RALYL: variants seen among roughly 807,000 people sequenced by gnomAD.
The protein encoded by RALYL is RNA-binding Raly-like protein.
Under a neutral mutation model 35.1 loss-of-function variants are expected in RALYL, and 29 were observed. The ratio of observed to expected loss-of-function variants is 0.83; its 90% CI spans 0.61 to 1.13. The LOEUF is 1.13. Ranked by LOEUF, RALYL falls within the 50% of genes most tolerant of loss-of-function variation. RALYL has a pLI of 0.00. For missense variants in RALYL, 359 were observed against 360.4 expected (o/e 1.00, Z 0.03); for synonymous variants, 120 against 127.6 (o/e 0.94, Z 0.40).
chr8:84,591,883 G>A (rs557050279), intron 2 of RALYL, among the ~76,000 whole-genome samples: 3 of 152,108 alleles, frequency 2.0e-5, no homozygotes, highest in Admixed American at 6.6e-5. Flanking sequence ...TCTAGAATTG[G>A]CAGTGGCTAT....
At chr8:84,208,143 ATAAG>A (rs1351421600) in intron 1 of RALYL, among the ~76,000 whole-genome samples, 1 of 152,158 alleles carries the variant, frequency 6.6e-6, no homozygotes, top group Non-Finnish European at 1.5e-5. Context: ...ATGATACTCT[ATAAG>A]TAACACAAGA....
chr8:84,389,654 T>C (rs1162843041), intron 1 of RALYL, among the ~76,000 whole-genome samples: 3 of 151,094 alleles, frequency 2.0e-5, no homozygotes, highest in African/African-American at 7.4e-5. Context: ...TGTGTGTTAC[T>C]GGTGTATAAG....
At chr8:84,188,683 C>T (rs1310956379) in intron 1 of RALYL, among the ~76,000 whole-genome samples, 2 of 152,122 alleles carry the variant, frequency 1.3e-5, no homozygotes, top group Non-Finnish European at 2.9e-5. Context: ...AACAAGTTTA[C>T]ATAATTATAC....
chr8:84,355,750 T>C (rs1851704629), intron 1 of RALYL, among the ~76,000 whole-genome samples: 1 of 149,994 alleles, frequency 6.7e-6, no homozygotes, highest in African/African-American at 2.5e-5. Context: ...ATTTCTTCAT[T>C]TATGTGCAGT....
chr8:84,561,612 G>T (rs149603381), intron 2 of RALYL, among the ~76,000 whole-genome samples: 86 of 152,036 alleles, frequency 5.7e-4, no homozygotes, highest in African/African-American at 2.0e-3. Context: ...CAATATGCCA[G>T]CATCACTACT....
intron 1 of RALYL, among the ~76,000 whole-genome samples, chr8:84,441,106 A>C (rs1019171503): frequency 1.3e-5 from 2 of 152,092 alleles, no homozygotes; most frequent in Non-Finnish European, 2.9e-5. Context: ...TTTTTTTAAT[A>C]ATAAATGATA....
At chr8:84,404,663 G>A (rs2043276483) in intron 1 of RALYL, among the ~76,000 whole-genome samples, 1 of 152,116 alleles carries the variant, frequency 6.6e-6, no homozygotes, top group African/African-American at 2.4e-5. Context: ...CCAGGCTTTG[G>A]TATCAGGATG....
At chr8:84,695,852 C>T (rs1032459227) in intron 2 of RALYL, among the ~76,000 whole-genome samples, 2 of 151,850 alleles carry the variant, frequency 1.3e-5, no homozygotes, top group African/African-American at 2.4e-5. Context: ...TTCTACCCCT[C>T]TCAGTAATTC....
At chr8:84,215,637 A>G (rs1425038568) in intron 1 of RALYL, among the ~76,000 whole-genome samples, 2 of 151,728 alleles carry the variant, frequency 1.3e-5, no homozygotes, top group Admixed American at 1.3e-4. Flanking sequence ...TTTCCTGCCA[A>G]TTTACTTCCT....
chr8:84,571,734 A>G (rs1808043705), intron 2 of RALYL, among the ~76,000 whole-genome samples: 1 of 151,654 alleles, frequency 6.6e-6, no homozygotes, highest in Non-Finnish European at 1.5e-5. Context: ...TCTCTTTTTT[A>G]TGTAGGCAGT....
chr8:84,530,653 G>A (rs1201813741), intron 2 of RALYL, among the ~76,000 whole-genome samples: 1 of 152,084 alleles, frequency 6.6e-6, no homozygotes, highest in Non-Finnish European at 1.5e-5. Flanking sequence ...TCCCTAGTTG[G>A]TCCGCTTCTT....
chr8:84,833,993 T>C (rs1346886028), intron 4 of RALYL, among the ~76,000 whole-genome samples: 2 of 152,038 alleles, frequency 1.3e-5, no homozygotes, highest in Non-Finnish European at 2.9e-5. Flanking sequence ...TTTTAAAAGC[T>C]AGTCTCCACC....
At chr8:84,359,230 T>C (rs1852454040) in intron 1 of RALYL, among the ~76,000 whole-genome samples, 1 of 106,140 alleles carries the variant, frequency 9.4e-6, no homozygotes, top group Non-Finnish European at 1.8e-5. Context: ...ATTTAAATTA[T>C]TTTGAGAGCT....
At chr8:84,738,659 G>A (rs1847753296) in intron 2 of RALYL, among the ~76,000 whole-genome samples, 2 of 151,912 alleles carry the variant, frequency 1.3e-5, no homozygotes, top group South Asian at 4.1e-4. Context: ...GAGCATCATA[G>A]ATAACAATAC....
At chr8:84,330,461 A>C (rs998563407) in intron 1 of RALYL, among the ~76,000 whole-genome samples, 1 of 152,106 alleles carries the variant, frequency 6.6e-6, no homozygotes, top group African/African-American at 2.4e-5. Flanking sequence ...GATACTGTGA[A>C]TACTAGAAAC....
At chr8:84,509,631 T>C (rs1452380423) in intron 1 of RALYL, among the ~76,000 whole-genome samples, 1 of 152,202 alleles carries the variant, frequency 6.6e-6, no homozygotes, top group Admixed American at 6.5e-5. Flanking sequence ...GGTTGTCTTC[T>C]AGGTGTTCTA....
At chr8:84,282,812 G>T (rs555297506) in intron 1 of RALYL, among the ~76,000 whole-genome samples, 32 of 151,276 alleles carry the variant, frequency 2.1e-4, no homozygotes, top group Admixed American at 7.3e-4. Flanking sequence ...TATAAAATCA[G>T]TTGAGTATAT....
intron 1 of RALYL, among the ~76,000 whole-genome samples, chr8:84,327,123 AG>A (rs1845943209): frequency 6.6e-6 from 1 of 152,050 alleles, no homozygotes; most frequent in African/African-American, 2.4e-5. Context: ...TTATTGTGAA[AG>A]GGGGTGGTAG....
At chr8:84,382,196 G>A (rs1401702422) in intron 1 of RALYL, among the ~76,000 whole-genome samples, 1 of 148,654 alleles carries the variant, frequency 6.7e-6, no homozygotes, top group East Asian at 2.0e-4. Context: ...AGTTAAATAT[G>A]TGTTATTTAT....
Sources: allele counts gnomAD v4.1 joint callset (sites outside exome capture counted in the v4.1 genomes callset), GRCh38; gene constraint gnomAD v4.1.1; transcripts MANE v1.5; gene names NCBI Gene and HGNC (gene_info 2026-07-23, HGNC 2026-07-21).